HEATR5B: variants seen among roughly 807,000 people sequenced by gnomAD.
HEATR5B encodes HEAT repeat containing 5B.
HEATR5B carries 156 observed loss-of-function variants against 224.1 expected under a neutral mutation model. That is an observed-to-expected ratio of 0.70 (90% CI 0.61 to 0.80). HEATR5B has a LOEUF of 0.80. HEATR5B is among the 30% of genes least tolerant of loss of function. The pLI is 0.00. For synonymous variants in HEATR5B, 1,027 were observed against 893.0 expected (o/e 1.15, Z -2.68); for missense variants, 2,323 against 2,535.5 (o/e 0.92, Z 1.80).
intron 3 of HEATR5B, among the ~76,000 whole-genome samples, chr2:37,077,782 T>C (rs1672323626): frequency 6.6e-6 from 1 of 152,242 alleles, no homozygotes; most frequent in Non-Finnish European, 1.5e-5. Context: ...CCAGTGGAAA[T>C]GTAAACTCCA....
rs1390904186 is a variant in HEATR5B, at chr2:37,008,661, T to C, written c.4472A>G (p.Tyr1491Cys). 3 of 1,614,152 alleles carry C rather than the reference T, an allele frequency of 1.9e-6. No homozygotes were observed. Among genetic ancestry groups the C allele is most frequent in the Non-Finnish European group, 2.5e-6 (3 of 1,180,022 alleles). ...SRLWLAALKD[Y>C]ALLTLPAEFS... is the part of the protein sequence containing the mutation. ...TTCGGCTGGTAAAGTCAAGAGTGCATAATCTTTTAATGCTGCTAACCACAG... is the reference window on the plus strand; with the variant it reads ...TTCGGCTGGTAAAGTCAAGAGTGCACAATCTTTTAATGCTGCTAACCACAG... The change falls in exon 28 of 36, where the codon TAT becomes TGT. Residue 1491 changes from tyrosine (Y) to cysteine (C), a missense_variant. Physicochemically the swap from Tyr to Cys is radical, Grantham distance 194. Around this residue, in one of 12 missense-constraint regions of HEATR5B, gnomAD observed 844 missense variants for 812.9 expected, o/e 1.04. Coordinates refer to ENST00000233099, the MANE Select transcript of HEATR5B (RefSeq NM_019024.3).
At position 37,064,786 on chromosome 2, in the gene HEATR5B, C is replaced by G; in HGVS notation, c.1538G>C (p.Gly513Ala). ...GYSFAMAALLGGVHQCPLGIP... is the reference protein window; with the variant it reads ...GYSFAMAALLAGVHQCPLGIP... ...GCCCAAAGGACACTGATGTACTCCA[C>G]CTAACAAAGCAGCCATTGCAAAACT... is the stretch of plus-strand genomic sequence containing the variant. Residue 513 changes from glycine to alanine, a missense_variant, in exon 10 of 36, where the codon GGT becomes GCT. Around this residue, in one of 12 missense-constraint regions of HEATR5B, gnomAD observed 502 missense variants for 517.8 expected, o/e 0.97. Transcript: ENST00000233099. 1 of 1,614,072 alleles carries G rather than the reference C, an allele frequency of 6.2e-7. No homozygotes were observed. Among genetic ancestry groups the G allele is most frequent in the Non-Finnish European group, 8.5e-7 (1 of 1,179,996 alleles).
chr2:37,072,046 A>G (rs1244648364), intron 6 of HEATR5B, 64 bp downstream of exon 6: 1 of 1,294,758 alleles, frequency 7.7e-7, no homozygotes, highest in Non-Finnish European at 1.1e-6. Context: ...CATTACACTG[A>G]CTTGCCTATA....
chr2:37,075,382 G>A, intron 5 of HEATR5B, 103 bp downstream of exon 5: 1 of 840,504 alleles, frequency 1.2e-6, no homozygotes, highest in Admixed American at 2.8e-5. Context: ...CTAATCCATT[G>A]GAACACAAAA....
At chr2:37,010,843 A>G (rs1667739967) in intron 27 of HEATR5B, among the ~76,000 whole-genome samples, 1 of 151,692 alleles carries the variant, frequency 6.6e-6, no homozygotes, top group Non-Finnish European at 1.5e-5. Flanking sequence ...CCAGCCATTC[A>G]TTCATCAAAT....
At chr2:37,073,277 G>C (rs1002619582) in intron 5 of HEATR5B, among the ~76,000 whole-genome samples, 1 of 152,168 alleles carries the variant, frequency 6.6e-6, no homozygotes, top group Admixed American at 6.5e-5. Context: ...TCCTAGGAAT[G>C]CAATATTGGT....
At chr2:37,027,478 G>C (rs1261349340) in intron 24 of HEATR5B, among the ~76,000 whole-genome samples, 3 of 152,072 alleles carry the variant, frequency 2.0e-5, no homozygotes, top group African/African-American at 4.8e-5. Flanking sequence ...ATACCTAATA[G>C]CACTTCTGAA....
chr2:37,033,982 C>G (rs1009899475), intron 21 of HEATR5B, among the ~76,000 whole-genome samples: 7 of 151,916 alleles, frequency 4.6e-5, no homozygotes, highest in African/African-American at 1.5e-4. Flanking sequence ...AGAAAGAGTC[C>G]CAGACACAAA....
At chr2:37,000,385 T>G (rs1460596219) in intron 33 of HEATR5B, among the ~76,000 whole-genome samples, 3 of 152,204 alleles carry the variant, frequency 2.0e-5, no homozygotes, top group Non-Finnish European at 4.4e-5. Context: ...CCCAACATGT[T>G]TATAACTATT....
chr2:37,025,132 A>G (rs1032610641), intron 24 of HEATR5B, among the ~76,000 whole-genome samples: 5 of 152,172 alleles, frequency 3.3e-5, no homozygotes, highest in African/African-American at 1.2e-4. Context: ...CTCTGCCATG[A>G]CTGTTCAGAA....
intron 4 of HEATR5B, among the ~76,000 whole-genome samples, chr2:37,076,399 G>A (rs993484182): frequency 1.3e-5 from 2 of 152,140 alleles, no homozygotes; most frequent in Non-Finnish European, 2.9e-5. Context: ...TGACAAAGGA[G>A]ACAGAGATGG....
At chr2:36,988,009 T>A (rs1188248140) in intron 35 of HEATR5B, among the ~76,000 whole-genome samples, 1 of 151,650 alleles carries the variant, frequency 6.6e-6, no homozygotes, top group African/African-American at 2.4e-5. Flanking sequence ...GAGGCAGAGG[T>A]TGCAGTGAGC....
chr2:37,006,252 T>C (rs1667407899), intron 29 of HEATR5B, among the ~76,000 whole-genome samples: 3 of 152,242 alleles, frequency 2.0e-5, no homozygotes, highest in South Asian at 2.1e-4. Context: ...CCAGATCTAC[T>C]GATGAATCCG....
intron 30 of HEATR5B, 80 bp downstream of exon 30, chr2:37,005,552 A>G: frequency 7.4e-7 from 1 of 1,358,450 alleles, no homozygotes. Flanking sequence ...AATACAGAAA[A>G]AAAATCCATC....
intron 26 of HEATR5B, among the ~76,000 whole-genome samples, chr2:37,014,740 A>G (rs1668007189): frequency 6.6e-6 from 1 of 150,844 alleles, no homozygotes; most frequent in African/African-American, 2.4e-5. Flanking sequence ...GCACTTTGGG[A>G]GGCCAAGGCA....
At chr2:37,019,953 G>C (rs1340156964) in intron 25 of HEATR5B, 76 bp from the exon 26 acceptor site, 8 of 1,029,522 alleles carry the variant, frequency 7.8e-6, no homozygotes, top group East Asian at 2.5e-5. Context: ...ACCCAGGCTG[G>C]AGTGCAGTGG....
At position 37,005,677 on chromosome 2, in the gene HEATR5B, G is replaced by A; in HGVS notation, c.4860C>T (p.Thr1620=). Residue 1620 remains threonine, a synonymous_variant, in exon 30 of 36, where the codon ACC becomes ACT. Transcript: ENST00000233099. ...HVTACLQALH[T]LLDSPYARVH... ...CTCGAGCATAAGGGGAGTCTAGCAA[G>A]GTATGTAAGGCCTGCAGGCATGCTG... The A allele has an allele frequency of 6.2e-7, 1 of 1,613,196 alleles. No homozygotes were observed. The highest frequency in any genetic ancestry group is 8.5e-7 in the Non-Finnish European group (1 of 1,179,234).
At chr2:37,040,566 G>GTACTGAATTGAGTATACTGAATTGAGTA in intron 19 of HEATR5B, 48 bp from the exon 20 acceptor site, 5 of 1,394,734 alleles carry the variant, frequency 3.6e-6, no homozygotes, top group Non-Finnish European at 5.0e-6. Context: ...GAATTCGAAT[G>GTACTGAATTGAGTATACTGAATTGAGTA]TACTGAATTG....
At chr2:37,079,775 A>G (rs1558386725) in intron 2 of HEATR5B, among the ~76,000 whole-genome samples, 1 of 152,224 alleles carries the variant, frequency 6.6e-6, no homozygotes, top group Non-Finnish European at 1.5e-5. Flanking sequence ...ACAGGAAAAA[A>G]AAATACCCAG....
Sources: gnomAD v4.1 joint callset for allele counts (sites outside exome capture counted in the v4.1 genomes callset) on GRCh38, gnomAD v4.1.1 for gene constraint, gnomAD v4.1.1 regional missense constraint, MANE v1.5 for transcripts, NCBI Gene and HGNC (gene_info 2026-07-23, HGNC 2026-07-21) for gene names.